The following NAV2 variants were observed in gnomAD, a reference collection of about 807,000 sequenced individuals.
NAV2 encodes neuron navigator 2.
A neutral mutation model predicts 223.2 loss-of-function variants in NAV2; 54 were observed. The ratio of observed to expected loss-of-function variants is 0.24; its 90% CI spans 0.19 to 0.30. The LOEUF is 0.30. Among genes scored for constraint, NAV2 ranks in the 10% least tolerant of loss-of-function variants. NAV2 has a pLI of 1.00. For missense variants in NAV2, 2,806 were observed against 3,147.5 expected (o/e 0.89, Z 2.60); for synonymous variants, 1,279 against 1,239.3 (o/e 1.03, Z -0.67).
chr11:19,882,935 T>C lies in NAV2; in HGVS notation c.770+2808T>C, dbSNP rs148506587. Among the ~76,000 whole-genome samples, 6 of 152,318 alleles carry C rather than the reference T, an allele frequency of 3.9e-5. No individual in the cohort carries two copies. In the East Asian group the frequency reaches 9.6e-4, roughly 24 times the overall value. On this transcript the variant is annotated intron_variant, in intron 5 of 37. Transcript: ENST00000349880. ...CTAATTGTATTTCCAAAGGATAATCTTGTTCTCAAGGTCTAGGGATATGCT... is the reference window on the plus strand; with the variant it reads ...CTAATTGTATTTCCAAAGGATAATCCTGTTCTCAAGGTCTAGGGATATGCT...
chr11:19,948,991 C>T lies in NAV2; in HGVS notation c.2556C>T (p.Asp852=), dbSNP rs143430523. The T allele has an allele frequency of 1.7e-4, 268 of 1,613,832 alleles. 1 individual carries two copies. The African/African-American group carries it at 3.1e-3, about 19-fold the overall frequency. The change falls in exon 10 of 38, where the codon GAC becomes GAT. Residue 852 remains aspartate (D), a synonymous_variant. Coordinates refer to ENST00000349880, the MANE Select transcript of NAV2 (RefSeq NM_145117.5). The part of the protein sequence containing the change: ...DVSDKAGDEM[D]LEGISMDAPG... ...CAGACAAGGCAGGAGATGAGATGGA[C>T]CTGGAAGGCATCAGCATGGATGCCC...
chr11:20,061,550 CA>C (rs1399072154), intron 19 of NAV2, among the ~76,000 whole-genome samples: 2 of 142,570 alleles, frequency 1.4e-5, no homozygotes, highest in Non-Finnish European at 1.5e-5. Context: ...GCCTGGGCAA[CA>C]GAGTGAAACT....
At chr11:20,027,462 G>A (rs895272194) in intron 11 of NAV2, 15 of 985,364 alleles carry the variant, frequency 1.5e-5, no homozygotes, top group African/African-American at 1.7e-5. Flanking sequence ...CTGGAAAATT[G>A]AGCAGGTAAG....
rs186477451 is a variant in NAV2 at position 19,992,663 on chromosome 11, A to G, written c.2768+8416A>G. Among the ~76,000 whole-genome samples the G allele has an allele frequency of 2.6e-3, 391 of 148,816 alleles. 2 individuals carry two copies. The highest frequency in any genetic ancestry group is 5.6e-3 in the Admixed American group (82 of 14,560). ...AGTGCAGTGACACGATCTCAGCTCA[A>G]TGTAACCTCTGCCTTCCAGGTTCAA... On this transcript the variant is annotated intron_variant, in intron 11 of 37. Coordinates refer to ENST00000349880, the MANE Select transcript of NAV2 (RefSeq NM_145117.5).
At chr11:19,361,163 A>G (rs981237560) in intron 1 of NAV2, among the ~76,000 whole-genome samples, 1 of 132,584 alleles carries the variant, frequency 7.5e-6, no homozygotes, top group Non-Finnish European at 1.7e-5. Flanking sequence ...AGATAAAATG[A>G]GTAAAGTACT....
At chr11:19,939,597 C>A in intron 7 of NAV2, 64 bp from the exon 8 acceptor site, 1 of 1,307,934 alleles carries the variant, frequency 7.6e-7, no homozygotes, top group Non-Finnish European at 1.1e-6. Context: ...GGTTAGACCA[C>A]AGTGGTCCAG....
intron 1 of NAV2, among the ~76,000 whole-genome samples, chr11:19,757,594 C>T (rs189724315): frequency 1.3e-5 from 2 of 152,128 alleles, no homozygotes; most frequent in Admixed American, 1.3e-4. Flanking sequence ...TAAGATTCAG[C>T]AGCATGAACT....
intron 1 of NAV2, among the ~76,000 whole-genome samples, chr11:19,651,098 G>T (rs1273566886): frequency 2.0e-5 from 3 of 152,142 alleles, no homozygotes; most frequent in African/African-American, 7.2e-5. Flanking sequence ...GGCCAAGCCA[G>T]AACCTGAATC....
chr11:19,528,618 A>G (rs1380751591), intron 1 of NAV2, among the ~76,000 whole-genome samples: 1 of 150,706 alleles, frequency 6.6e-6, no homozygotes, highest in Non-Finnish European at 1.5e-5. Context: ...AAAGTCTATA[A>G]AACAGTGGTT....
intron 1 of NAV2, among the ~76,000 whole-genome samples, chr11:19,588,350 A>G (rs2045958535): frequency 6.6e-6 from 1 of 152,232 alleles, no homozygotes. Context: ...TATTTTACCC[A>G]AGGATCTCTG....
intron 1 of NAV2, among the ~76,000 whole-genome samples, chr11:19,390,534 A>G (rs1202431590): frequency 6.6e-6 from 1 of 152,228 alleles, no homozygotes. Flanking sequence ...CAGAAGCAAT[A>G]AACAAGTAAG....
At position 20,118,192 on chromosome 11, in the gene NAV2, C is replaced by T; in HGVS notation, c.7224C>T (p.Asp2408=). The T allele has an allele frequency of 6.2e-7, 1 of 1,614,078 alleles. No individual in the cohort carries two copies. The highest frequency in any genetic ancestry group is 8.5e-7 in the Non-Finnish European group (1 of 1,179,960). The change falls in exon 38 of 38, where the codon GAC becomes GAT. Residue 2408 remains aspartate (D), a synonymous_variant. Transcript: ENST00000349880. ...AANYSSPQSY[D]SDSNSNSHHD... is the part of the protein sequence containing the mutation. ...ACTACTCCAGCCCCCAGAGCTATGA[C>T]AGCGACTCCAACAGCAACAGCCATC...
intron 1 of NAV2, among the ~76,000 whole-genome samples, chr11:19,530,382 C>G (rs1327506316): frequency 6.6e-6 from 1 of 151,780 alleles, no homozygotes; most frequent in East Asian, 1.9e-4. Flanking sequence ...TGCAAGGTAG[C>G]ATTTGCTTAG....
intron 1 of NAV2, among the ~76,000 whole-genome samples, chr11:19,581,565 G>A (rs1314886371): frequency 6.6e-6 from 1 of 151,642 alleles, no homozygotes; most frequent in Admixed American, 6.6e-5. Context: ...CCCTTCCTGT[G>A]TCCATGTGTC....
chr11:19,661,640 T>C (rs1456608560), intron 1 of NAV2, among the ~76,000 whole-genome samples: 1 of 152,204 alleles, frequency 6.6e-6, no homozygotes, highest in African/African-American at 2.4e-5. Context: ...TTCAGTATCC[T>C]TAATGTGTGA....
chr11:19,859,874 C>A (rs1392627308), intron 3 of NAV2, among the ~76,000 whole-genome samples: 1 of 140,814 alleles, frequency 7.1e-6, no homozygotes, highest in African/African-American at 2.7e-5. Context: ...GGGGGCTGAC[C>A]CCCCCACCTC....
At chr11:19,588,507 G>A (rs2045962158) in intron 1 of NAV2, among the ~76,000 whole-genome samples, 1 of 152,006 alleles carries the variant, frequency 6.6e-6, no homozygotes, top group Non-Finnish European at 1.5e-5. Context: ...CATAGGCAGA[G>A]AAAAGGAAGA....
intron 1 of NAV2, among the ~76,000 whole-genome samples, chr11:19,437,561 A>G (rs1445555309): frequency 2.0e-5 from 3 of 152,092 alleles, no homozygotes; most frequent in Non-Finnish European, 4.4e-5. Flanking sequence ...ATAGTCTTTT[A>G]TACCTTTGGC....
intron 1 of NAV2, among the ~76,000 whole-genome samples, chr11:19,736,647 G>A (rs867683965): frequency 1.3e-5 from 2 of 152,194 alleles, no homozygotes; most frequent in Non-Finnish European, 2.9e-5. Context: ...GAGAGGGAGG[G>A]GAATTTGGCC....
Sources: allele counts gnomAD v4.1 joint callset (sites outside exome capture counted in the v4.1 genomes callset), GRCh38; gene constraint gnomAD v4.1.1; transcripts MANE v1.5; gene names NCBI Gene and HGNC (gene_info 2026-07-23, HGNC 2026-07-21).